The following ZNF280D variants were observed in gnomAD, a reference collection of about 807,000 sequenced individuals.
ZNF280D encodes zinc finger protein 280D, also known as suppressor of hairy wing homolog 4.
In ZNF280D, 39 loss-of-function variants were observed where a neutral mutation model predicts 94.7. That is an observed-to-expected ratio of 0.41 (90% CI 0.32 to 0.54). The LOEUF (loss-of-function observed/expected upper bound fraction) is 0.54, where lower values mean the gene tolerates loss of function less well. Among genes scored for constraint, ZNF280D ranks in the 20% least tolerant of loss-of-function variants. The probability of loss-of-function intolerance (pLI) is 0.22; values close to 1 mark genes in which losing one functional copy is unlikely to be tolerated. For synonymous variants in ZNF280D, 398 were observed against 377.6 expected, an observed-to-expected ratio of 1.05 and a Z score of -0.63; for missense variants, 1,090 against 1,149.3, an observed-to-expected ratio of 0.95 and a Z score of 0.75.
intron 16 of ZNF280D, 62 bp downstream of exon 16, chr15:56,666,333 T>C (rs1190475455): frequency 6.4e-7 from 1 of 1,567,614 alleles, no homozygotes; most frequent in African/African-American, 1.4e-5. Flanking sequence ...ACTTTGTTTT[T>C]GAAACAGAAA....
Position 56,677,680 on chromosome 15 carries a change from T to C in ZNF280D, c.1163-6A>G. 7.0e-7 allele frequency: 1 copy of C among 1,424,240 alleles called. No individual in the cohort carries two copies. The highest frequency in any genetic ancestry group is 1.2e-5 in the South Asian group (1 of 82,318). The allele number at this position is 1,424,240 out of a possible 1,614,324, so 88.2% of individuals were successfully genotyped here. On this transcript the variant is annotated splice_polypyrimidine_tract_variant and splice_region_variant and intron_variant, in intron 11 of 21. Transcript: ENST00000267807. ...TTCACAGATTTTACAAATAGCTAAA[T>C]GTGGGAGAGAAACAGTATAATAATA...
At chr15:56,660,983 T>C (rs1417315688) in intron 16 of ZNF280D, among the ~76,000 whole-genome samples, 1 of 149,150 alleles carries the variant, frequency 6.7e-6, no homozygotes, top group Non-Finnish European at 1.5e-5. Flanking sequence ...GGGGGAGTGT[T>C]TGGGGGAGAA....
In ZNF280D at chr15:56,681,615, CTT is replaced by C. The variant is rs552614038; in HGVS notation, c.1004+637_1004+638del. The stretch of plus-strand genomic sequence containing the variant: ...TCACTCAATTTCTTATTACTTTTCT[CTT>C]GTTACTAATTTATACAGAATAGTTT... On this transcript the variant is annotated intron_variant, in intron 10 of 21. Transcript: ENST00000267807. 1.2e-3 allele frequency among the ~76,000 whole-genome samples: 187 copies of C among 152,208 alleles called. 1 individual carries two copies. Among genetic ancestry groups the C allele is most frequent in the Admixed American group, 9.4e-3 (144 of 15,288 alleles).
intron 20 of ZNF280D, 84 bp downstream of exon 20, chr15:56,642,868 T>C: frequency 1.0e-6 from 1 of 982,322 alleles, no homozygotes; most frequent in Non-Finnish European, 1.4e-6. Flanking sequence ...GTATGCATGC[T>C]GAAATTGAAA....
intron 6 of ZNF280D, chr15:56,700,619 A>G: frequency 8.0e-7 from 1 of 1,243,570 alleles, no homozygotes; most frequent in Non-Finnish European, 1.0e-6. Context: ...TCCCGTCTGC[A>G]ATCTTAAATA....
Position 56,643,001 on chromosome 15 carries a change from G to A in ZNF280D, c.2214-4C>T. ...TGCGGGAGCTTCTTTTTTTAATCTT[G>A]AAAACAAGATAAGTATTGAATATTT... is the stretch of plus-strand genomic sequence containing the variant. On this transcript the variant is annotated splice_region_variant and splice_polypyrimidine_tract_variant and intron_variant, in intron 19 of 21. Coordinates refer to ENST00000267807, the MANE Select transcript of ZNF280D (RefSeq NM_017661.4). The A allele has an allele frequency of 2.7e-6, 4 of 1,490,224 alleles. No individual in the cohort carries two copies. The highest frequency in any genetic ancestry group is 3.6e-6 in the Non-Finnish European group (4 of 1,120,902). The allele number at this position is 1,490,224 out of a possible 1,614,324, so 92.3% of individuals were successfully genotyped here.
At chr15:56,706,766 GA>G (rs1319371968) in intron 3 of ZNF280D, among the ~76,000 whole-genome samples, 62 of 148,586 alleles carry the variant, frequency 4.2e-4, no homozygotes, top group African/African-American at 1.2e-3. Flanking sequence ...ATATTTTTGA[GA>G]AAAAAAAAAT....
intron 16 of ZNF280D, among the ~76,000 whole-genome samples, chr15:56,665,350 TA>T (rs1157413037): frequency 5.9e-5 from 9 of 151,860 alleles, no homozygotes; most frequent in Non-Finnish European, 1.3e-4. Context: ...TTTGCCTACT[TA>T]AAAAAAATAC....
intron 16 of ZNF280D, among the ~76,000 whole-genome samples, chr15:56,663,351 A>G (rs1323462386): frequency 6.6e-6 from 1 of 151,954 alleles, no homozygotes; most frequent in Non-Finnish European, 1.5e-5. Flanking sequence ...GTGGAAGATT[A>G]ACCAACTTAC....
At chr15:56,668,688 A>T (rs1338960721) in intron 14 of ZNF280D, 135 bp downstream of exon 14, 8 of 823,926 alleles carry the variant, frequency 9.7e-6, no homozygotes, top group Non-Finnish European at 1.4e-5. Flanking sequence ...CCTTCTACAC[A>T]TAAAATTAAA....
intron 1 of ZNF280D, among the ~76,000 whole-genome samples, chr15:56,731,032 T>C (rs889969311): frequency 1.1e-4 from 17 of 152,228 alleles, no homozygotes; most frequent in Non-Finnish European, 1.6e-4. Context: ...GCATGGCTTA[T>C]GAAGTATTCC....
At chr15:56,672,224 G>A (rs2054914786) in intron 13 of ZNF280D, among the ~76,000 whole-genome samples, 1 of 152,146 alleles carries the variant, frequency 6.6e-6, no homozygotes, top group African/African-American at 2.4e-5. Context: ...ATGTTGAATA[G>A]GAGTGGTGAG....
At chr15:56,725,879 A>G (rs1055275853) in intron 1 of ZNF280D, among the ~76,000 whole-genome samples, 1 of 152,300 alleles carries the variant, frequency 6.6e-6, no homozygotes, top group Middle Eastern at 3.4e-3. Context: ...GTTTACAAAC[A>G]CAAAGAAACA....
chr15:56,633,221 AATTT>A (rs1158801861), intron 21 of ZNF280D, among the ~76,000 whole-genome samples: 4 of 152,164 alleles, frequency 2.6e-5, no homozygotes, highest in African/African-American at 9.7e-5. Context: ...TCCAAAAGGT[AATTT>A]ATTATTTACT....
intron 1 of ZNF280D, among the ~76,000 whole-genome samples, chr15:56,709,612 A>G (rs1294891316): frequency 6.6e-6 from 1 of 152,182 alleles, no homozygotes; most frequent in Non-Finnish European, 1.5e-5. Flanking sequence ...ACCAACCCAA[A>G]TGTCCATCAA....
chr15:56,702,381 A>G (rs2057131790), intron 4 of ZNF280D, among the ~76,000 whole-genome samples: 1 of 152,200 alleles, frequency 6.6e-6, no homozygotes, highest in South Asian at 2.1e-4. Context: ...CTCATGTTCC[A>G]TATGTTAACA....
At chr15:56,680,854 A>T (rs2055567991) in intron 10 of ZNF280D, among the ~76,000 whole-genome samples, 1 of 152,160 alleles carries the variant, frequency 6.6e-6, no homozygotes, top group South Asian at 2.1e-4. Context: ...ACATAACCTC[A>T]TATTTCAGTA....
chr15:56,655,870 A>C (rs2053521000), intron 17 of ZNF280D, among the ~76,000 whole-genome samples: 2 of 152,236 alleles, frequency 1.3e-5, no homozygotes, highest in Non-Finnish European at 2.9e-5. Context: ...ATTTAAAAGA[A>C]AATCAATTAT....
At chr15:56,703,772 T>G (rs548791199) in intron 4 of ZNF280D, among the ~76,000 whole-genome samples, 1 of 152,160 alleles carries the variant, frequency 6.6e-6, no homozygotes, top group Non-Finnish European at 1.5e-5. Flanking sequence ...GAGGATCGCT[T>G]GAGCCAAGGA....
Sources: gnomAD v4.1 joint callset for allele counts (sites outside exome capture counted in the v4.1 genomes callset) on GRCh38, gnomAD v4.1.1 for gene constraint, MANE v1.5 for transcripts, NCBI Gene and HGNC (gene_info 2026-07-23, HGNC 2026-07-21) for gene names.